The following GPD2 variants were observed in gnomAD, a reference collection of about 807,000 sequenced individuals.
GPD2 encodes glycerol-3-phosphate dehydrogenase, mitochondrial.
In GPD2, 54 loss-of-function variants were observed where a neutral mutation model predicts 82.4. The observed-to-expected ratio is 0.66, with a 90% CI of 0.53 to 0.82. The LOEUF is 0.82. GPD2 is among the 40% of genes least tolerant of loss of function. GPD2 has a pLI of 0.00. For missense variants in GPD2, 748 were observed against 896.2 expected (o/e 0.83, Z 2.11); for synonymous variants, 288 against 306.1 (o/e 0.94, Z 0.62).
chr2:156,479,981 C>T (rs1022459545), intron 2 of GPD2, among the ~76,000 whole-genome samples: 1 of 152,124 alleles, frequency 6.6e-6, no homozygotes, highest in South Asian at 2.1e-4. Flanking sequence ...ATGGAGCAAG[C>T]AGAGACACTC....
rs865872904 is a variant in GPD2 at position 156,486,804 on chromosome 2, G to A, written c.103-9240G>A. 4.6e-5 allele frequency among the ~76,000 whole-genome samples: 7 copies of A among 152,318 alleles called. No homozygotes were observed. The Middle Eastern group carries it at 0.017, about 370-fold the overall frequency. On this transcript the variant is annotated intron_variant, in intron 2 of 16. Coordinates refer to ENST00000438166, the MANE Select transcript of GPD2 (RefSeq NM_000408.5). ...TTTATATTTGATGAAATAATTCACA[G>A]AGAAATGATGAGTATGCATTATAAA... is the stretch of plus-strand genomic sequence containing the variant.
chr2:156,559,530 T>A (rs2105348931), intron 9 of GPD2, among the ~76,000 whole-genome samples: 1 of 151,766 alleles, frequency 6.6e-6, no homozygotes, highest in South Asian at 2.1e-4. Context: ...CCCCAAAGGA[T>A]TTTTTTTTGG....
At position 156,583,047 on chromosome 2, in the gene GPD2, C is replaced by G; in HGVS notation, c.*129C>G. 1 of 995,534 alleles carries G rather than the reference C, an allele frequency of 1.0e-6. No individual in the cohort carries two copies. Among genetic ancestry groups the G allele is most frequent in the South Asian group, 1.4e-5 (1 of 73,170 alleles). The allele number at this position is 995,534 out of a possible 1,614,324, so 61.7% of individuals were successfully genotyped here. A position where few individuals can be genotyped will look rare whatever the true frequency, so the allele number is the denominator to read the frequency against. ...GCCTTTTTTAACACTAGAAAACATT[C>G]CAAAACTTTAAGGTGTTGGTGTATT... On this transcript the variant is annotated 3_prime_UTR_variant, in exon 17 of 17. Transcript: ENST00000438166.
chr2:156,510,858 A>T lies in GPD2; in HGVS notation c.337A>T (p.Lys113Ter), dbSNP rs778911954. 6.2e-7 allele frequency: 1 copy of T among 1,612,864 alleles called. No homozygotes were observed. Among genetic ancestry groups the T allele is most frequent in the South Asian group, 1.1e-5 (1 of 91,064 alleles). The stretch of plus-strand genomic sequence containing the variant: ...ATCAGGGACCAGCAGCAGAAGCACT[A>T]AATTGATCCATGGTGGTGTGAGATA... Reference protein sequence around the residue: ...FSSGTSSRSTKLIHGGVRYLQ... With the variant: ...FSSGTSSRST The change falls in exon 4 of 17, where the codon AAA becomes TAA. Residue 113 changes from lysine (K) to a stop codon, truncating the protein, a stop_gained. Coordinates refer to ENST00000438166, the MANE Select transcript of GPD2 (RefSeq NM_000408.5). LOFTEE classifies it high-confidence loss of function.
At chr2:156,451,654 G>A (rs1279403969) in intron 1 of GPD2, among the ~76,000 whole-genome samples, 5 of 138,448 alleles carry the variant, frequency 3.6e-5, no homozygotes, top group South Asian at 2.3e-4. Flanking sequence ...GGGCAGAGGC[G>A]CCCCTCACCT....
intron 8 of GPD2, among the ~76,000 whole-genome samples, chr2:156,555,895 C>A (rs1262356654): frequency 6.6e-6 from 1 of 152,154 alleles, no homozygotes; most frequent in Admixed American, 6.6e-5. Flanking sequence ...TCTACCTACT[C>A]TCTCCGATGT....
the GPD2 span, among the ~76,000 whole-genome samples, chr2:156,426,071 C>G: frequency 6.6e-6 from 1 of 152,110 alleles, no homozygotes; most frequent in East Asian, 1.9e-4. Context: ...CTACAGGCGC[C>G]CACCACCACG....
At position 156,582,863 on chromosome 2, in the gene GPD2, A is replaced by G. The variant is rs779860299; in HGVS notation, c.2129A>G (p.Glu710Gly). Residue 710 changes from glutamate to glycine, a missense_variant, in exon 17 of 17, where the codon GAG becomes GGG. By Grantham distance (98) the Glu-to-Gly change is moderately conservative. Transcript: ENST00000438166. The stretch of plus-strand genomic sequence containing the variant: ...GCTATACTAATGAAAACTGCAGAAG[A>G]GAACCTCGACAGAAGAGTTCCAATT... ...RLAILMKTAE[E>G]NLDRRVPIPV... 1.2e-6 allele frequency: 2 copies of G among 1,613,272 alleles called. No individual in the cohort carries two copies. The highest frequency in any genetic ancestry group is 2.2e-5 in the East Asian group (1 of 44,860).
At chr2:156,510,716 C>A in intron 3 of GPD2, 80 bp from the exon 4 acceptor site, 1 of 1,158,728 alleles carries the variant, frequency 8.6e-7, no homozygotes, top group Non-Finnish European at 1.3e-6. Context: ...GTGATTGTCT[C>A]TACCCTGGAG....
chr2:156,533,927 G>A (rs1481641846), intron 6 of GPD2, among the ~76,000 whole-genome samples: 1 of 152,218 alleles, frequency 6.6e-6, no homozygotes, highest in African/African-American at 2.4e-5. Flanking sequence ...GACTCCTGAA[G>A]CCCCAGTGGG....
intron 2 of GPD2, chr2:156,495,522 T>A (rs753535479): frequency 5.3e-6 from 2 of 375,418 alleles, no homozygotes; most frequent in Non-Finnish European, 1.1e-5. Flanking sequence ...AAATTCTTTT[T>A]AATTGTACTG....
the GPD2 span, among the ~76,000 whole-genome samples, chr2:156,420,184 C>CT: frequency 3.3e-5 from 5 of 151,276 alleles, no homozygotes; most frequent in Admixed American, 6.6e-5. Context: ...TATTTCTTTC[C>CT]TTTTTTTTTC....
chr2:156,543,966 T>C (rs891433346), intron 6 of GPD2, among the ~76,000 whole-genome samples: 4 of 152,212 alleles, frequency 2.6e-5, no homozygotes, highest in Non-Finnish European at 5.9e-5. Flanking sequence ...TGTTTATAAA[T>C]GGGGATTAAC....
chr2:156,523,744 C>G, intron 6 of GPD2, among the ~76,000 whole-genome samples: 1 of 151,988 alleles, frequency 6.6e-6, no homozygotes, highest in East Asian at 1.9e-4. Context: ...GGGTCTTGCT[C>G]TGTTGCCCAG....
intron 6 of GPD2, among the ~76,000 whole-genome samples, chr2:156,525,180 A>G (rs1685558149): frequency 1.3e-5 from 2 of 152,186 alleles, no homozygotes; most frequent in Non-Finnish European, 2.9e-5. Flanking sequence ...TGTCAACATA[A>G]ACTCATGAAT....
chr2:156,547,458 A>C (rs1686588122), intron 6 of GPD2, among the ~76,000 whole-genome samples: 1 of 152,224 alleles, frequency 6.6e-6, no homozygotes, highest in South Asian at 2.1e-4. Flanking sequence ...AGGGAGCTAC[A>C]AATAATTTCA....
intron 6 of GPD2, among the ~76,000 whole-genome samples, chr2:156,542,975 C>T (rs1354305805): frequency 6.6e-6 from 1 of 152,146 alleles, no homozygotes; most frequent in Non-Finnish European, 1.5e-5. Flanking sequence ...TCAGTGGTTG[C>T]CTAGTACCTT....
At chr2:156,483,619 A>C (rs1225100171) in intron 2 of GPD2, among the ~76,000 whole-genome samples, 1 of 152,250 alleles carries the variant, frequency 6.6e-6, no homozygotes, top group East Asian at 1.9e-4. Context: ...GGGTAGAGAA[A>C]CTTGAAGTTC....
At chr2:156,478,738 C>T (rs1405911895) in intron 2 of GPD2, among the ~76,000 whole-genome samples, 1 of 152,116 alleles carries the variant, frequency 6.6e-6, no homozygotes, top group Non-Finnish European at 1.5e-5. Context: ...AAGCTGGGGC[C>T]TTAAATGTGA....
Sources: allele counts gnomAD v4.1 joint callset (sites outside exome capture counted in the v4.1 genomes callset), GRCh38; gene constraint gnomAD v4.1.1; transcripts MANE v1.5; gene names NCBI Gene and HGNC (gene_info 2026-07-23, HGNC 2026-07-21).